The following SBF2 variants were observed in gnomAD, a reference collection of about 807,000 sequenced individuals.
SBF2 encodes myotubularin-related protein 13.
A neutral mutation model predicts 225.2 loss-of-function variants in SBF2; 112 were observed. The observed-to-expected ratio is 0.50, with a 90% CI of 0.43 to 0.58. The LOEUF is 0.58. SBF2 is among the 20% of genes least tolerant of loss of function. SBF2 has a pLI of 0.00. For missense variants in SBF2, 1,996 were observed against 2,206.2 expected, an observed-to-expected ratio of 0.90 and a Z score of 1.91; for synonymous variants, 763 against 773.3, an observed-to-expected ratio of 0.99 and a Z score of 0.22.
chr11:9,935,372 A>G (rs1864817051), intron 16 of SBF2, among the ~76,000 whole-genome samples: 1 of 152,228 alleles, frequency 6.6e-6, no homozygotes, highest in Non-Finnish European at 1.5e-5. Flanking sequence ...GAAAATGGCC[A>G]TACTGCCCAA....
At chr11:10,176,351 T>G (rs1239714371) in intron 2 of SBF2, among the ~76,000 whole-genome samples, 1 of 151,034 alleles carries the variant, frequency 6.6e-6, no homozygotes, top group Non-Finnish European at 1.5e-5. Flanking sequence ...AGAGCAGAAC[T>G]GAAGGAAATA....
At chr11:10,184,719 G>GT (rs1956865776) in intron 2 of SBF2, among the ~76,000 whole-genome samples, 1 of 152,018 alleles carries the variant, frequency 6.6e-6, no homozygotes, top group Non-Finnish European at 1.5e-5. Context: ...ATTTTGTTTT[G>GT]TTTTTTATTG....
intron 2 of SBF2, among the ~76,000 whole-genome samples, chr11:10,178,509 C>A (rs1956573185): frequency 6.7e-6 from 1 of 149,752 alleles, no homozygotes; most frequent in South Asian, 2.1e-4. Flanking sequence ...AAAAAACAAA[C>A]AATCCCATCA....
intron 16 of SBF2, among the ~76,000 whole-genome samples, chr11:9,920,159 A>T (rs1473596669): frequency 6.6e-6 from 1 of 151,630 alleles, no homozygotes; most frequent in Non-Finnish European, 1.5e-5. Flanking sequence ...ATAACTCATA[A>T]GGCTCAAAAC....
chr11:9,974,954 T>C (rs10743124), intron 13 of SBF2, among the ~76,000 whole-genome samples: 109,415 of 111,882 alleles, frequency 0.98, 53,475 homozygotes, highest in Middle Eastern at 0.99. Context: ...CAGCGAAACT[T>C]TGACTCAAAA....
intron 2 of SBF2, among the ~76,000 whole-genome samples, chr11:10,071,247 CTT>C (rs1158419648): frequency 9.8e-4 from 141 of 143,946 alleles, no homozygotes; most frequent in African/African-American, 3.1e-3. Flanking sequence ...CCGGTTTTCT[CTT>C]TTTTTCTCTC....
intron 17 of SBF2, 105 bp from the exon 18 acceptor site, chr11:9,858,501 C>T: frequency 8.4e-7 from 1 of 1,184,924 alleles, no homozygotes; most frequent in Non-Finnish European, 1.2e-6. Context: ...AAGGATTTCT[C>T]TAAAGAATAT....
intron 2 of SBF2, among the ~76,000 whole-genome samples, chr11:10,142,524 C>T (rs1379325733): frequency 1.3e-5 from 2 of 152,154 alleles, no homozygotes; most frequent in Non-Finnish European, 2.9e-5. Context: ...TCCCATTATA[C>T]TTTTCTCAAA....
intron 2 of SBF2, among the ~76,000 whole-genome samples, chr11:10,163,158 T>G (rs182444884): frequency 1.3e-5 from 2 of 152,234 alleles, no homozygotes; most frequent in Non-Finnish European, 2.9e-5. Flanking sequence ...CTAAACACAG[T>G]GTCCAGATGA....
At chr11:10,182,956 A>G (rs145131859) in intron 2 of SBF2, among the ~76,000 whole-genome samples, 11,097 of 151,890 alleles carry the variant, frequency 0.073, 591 homozygotes, top group East Asian at 0.28. Context: ...TATTTTTAGT[A>G]GAGACAGGGT....
rs200028887 is a variant in SBF2 at position 9,952,241 on chromosome 11, TAAATACAC to T, written c.1860+9708_1860+9715del. 9.3e-3 allele frequency among the ~76,000 whole-genome samples: 897 copies of T among 96,898 alleles called. 22 individuals are homozygous for T. In the East Asian group the frequency reaches 0.15, roughly 16 times the overall value. The allele number at this position is 96,898 out of a possible 152,430, so 63.6% of individuals were successfully genotyped here. A position where few individuals can be genotyped will look rare whatever the true frequency, so the allele number is the denominator to read the frequency against. ...AATGACAGCCTCTCTCTCATAAAAA[TAAATACAC>T]AAACAAACAAACAAACAAACAAACA... is the stretch of plus-strand genomic sequence containing the variant. On this transcript the variant is annotated intron_variant, in intron 16 of 39. Coordinates refer to ENST00000256190, the MANE Select transcript of SBF2 (RefSeq NM_030962.4).
intron 1 of SBF2, among the ~76,000 whole-genome samples, chr11:10,299,834 A>G (rs937356103): frequency 4.6e-5 from 7 of 152,238 alleles, no homozygotes; most frequent in Admixed American, 3.3e-4. Context: ...TTCCATAGCC[A>G]AAACGATTGT....
intron 16 of SBF2, among the ~76,000 whole-genome samples, chr11:9,946,270 G>A (rs887328381): frequency 5.9e-5 from 9 of 152,018 alleles, no homozygotes; most frequent in Admixed American, 1.3e-4. Flanking sequence ...ATGAAATCAC[G>A]TCCTTTGTAA....
chr11:10,060,787 G>A (rs1315263922), intron 2 of SBF2, among the ~76,000 whole-genome samples: 1 of 152,170 alleles, frequency 6.6e-6, no homozygotes, highest in Non-Finnish European at 1.5e-5. Context: ...CCAGCACTTT[G>A]GGAGGCCGAG....
At chr11:9,862,423 A>C in intron 17 of SBF2, among the ~76,000 whole-genome samples, 1 of 152,212 alleles carries the variant, frequency 6.6e-6, no homozygotes, top group Non-Finnish European at 1.5e-5. Context: ...TGGTAAGGTA[A>C]ATATTTCAGG....
At chr11:9,798,770 C>A (rs1024805976) in intron 32 of SBF2, among the ~76,000 whole-genome samples, 12 of 151,946 alleles carry the variant, frequency 7.9e-5, no homozygotes, top group Non-Finnish European at 1.5e-4. Context: ...CATGGTGAAA[C>A]CCTGTCTCTA....
intron 17 of SBF2, among the ~76,000 whole-genome samples, chr11:9,876,615 G>A (rs552623641): frequency 1.3e-4 from 20 of 152,270 alleles, no homozygotes; most frequent in South Asian, 2.1e-4. Flanking sequence ...AAAGAAAGCC[G>A]TTCCCAGAAA....
At chr11:10,055,993 A>T (rs1244414204) in intron 2 of SBF2, among the ~76,000 whole-genome samples, 1 of 152,226 alleles carries the variant, frequency 6.6e-6, no homozygotes, top group Non-Finnish European at 1.5e-5. Flanking sequence ...GAGAAAAATA[A>T]ACACTTGGAA....
At chr11:10,066,400 T>C (rs954683107) in intron 2 of SBF2, among the ~76,000 whole-genome samples, 4 of 151,874 alleles carry the variant, frequency 2.6e-5, no homozygotes, top group Admixed American at 2.6e-4. Flanking sequence ...AATAAAAGGC[T>C]AACATATCAT....
Sources: gnomAD v4.1 joint callset for allele counts (sites outside exome capture counted in the v4.1 genomes callset) on GRCh38, gnomAD v4.1.1 for gene constraint, MANE v1.5 for transcripts, NCBI Gene and HGNC (gene_info 2026-07-23, HGNC 2026-07-21) for gene names.